The following NMBR variants were observed in gnomAD, a reference collection of about 807,000 sequenced individuals.
NMBR encodes neuromedin B receptor.
Under a neutral mutation model 20.5 loss-of-function variants are expected in NMBR, and 16 were observed. The observed-to-expected ratio is 0.78, with a 90% CI of 0.53 to 1.19. The LOEUF (loss-of-function observed/expected upper bound fraction) is 1.19. NMBR is among the 50% of genes most tolerant of loss of function. The pLI is 0.00. For synonymous variants in NMBR, 212 were observed against 196.6 expected (o/e 1.08, Z -0.65); for missense variants, 582 against 499.1 (o/e 1.17, Z -1.58).
At chr6:142,122,782 A>T (rs758415625) in intron 1 of NMBR, among the ~76,000 whole-genome samples, 1 of 151,952 alleles carries the variant, frequency 6.6e-6, no homozygotes, top group Admixed American at 6.6e-5. Context: ...ATCTGTTTAC[A>T]GTATAGTTTA....
chr6:142,123,281 T>C (rs149822617), intron 1 of NMBR, among the ~76,000 whole-genome samples: 199 of 152,014 alleles, frequency 1.3e-3, no homozygotes, highest in Non-Finnish European at 2.3e-3. Context: ...GGCCTGAAGA[T>C]GTGACTGAAT....
intron 1 of NMBR, among the ~76,000 whole-genome samples, chr6:142,116,014 A>T (rs1330560357): frequency 6.6e-6 from 1 of 151,904 alleles, no homozygotes; most frequent in African/African-American, 2.4e-5. Context: ...AATTAGTCTC[A>T]TGAGAACTGA....
intron 1 of NMBR, among the ~76,000 whole-genome samples, chr6:142,099,813 G>C (rs1777527339): frequency 6.6e-6 from 1 of 152,050 alleles, no homozygotes; most frequent in Admixed American, 6.6e-5. Context: ...GTATCACGTA[G>C]AACTCTTACA....
chr6:142,137,011 C>A (rs538439532), intron 1 of NMBR, among the ~76,000 whole-genome samples: 29 of 151,982 alleles, frequency 1.9e-4, no homozygotes, highest in African/African-American at 6.3e-4. Flanking sequence ...ATTTTAAAGT[C>A]GTTTTTTCCA....
chr6:142,090,029 A>G (rs1777292422), intron 1 of NMBR, among the ~76,000 whole-genome samples: 1 of 152,150 alleles, frequency 6.6e-6, no homozygotes, highest in Admixed American at 6.5e-5. Flanking sequence ...AAGGCAGAGT[A>G]TATGTATGCT....
chr6:142,090,803 A>T (rs1777307570), intron 1 of NMBR, among the ~76,000 whole-genome samples: 1 of 151,794 alleles, frequency 6.6e-6, no homozygotes, highest in Non-Finnish European at 1.5e-5. Context: ...TCAAACTGCA[A>T]CTATGCCATT....
intron 1 of NMBR, among the ~76,000 whole-genome samples, chr6:142,101,502 A>G (rs1463272997): frequency 6.6e-6 from 1 of 152,124 alleles, no homozygotes; most frequent in Non-Finnish European, 1.5e-5. Flanking sequence ...AGGACTTCAG[A>G]TTATTTTCTT....
At chr6:142,094,429 T>C (rs1204886543) in intron 1 of NMBR, among the ~76,000 whole-genome samples, 2 of 152,204 alleles carry the variant, frequency 1.3e-5, no homozygotes, top group South Asian at 4.1e-4. Context: ...ATTTCTTGTT[T>C]TTGTCAGGTT....
At chr6:142,076,750 C>G (rs904800168) in intron 3 of NMBR, among the ~76,000 whole-genome samples, 1 of 152,114 alleles carries the variant, frequency 6.6e-6, no homozygotes, top group Non-Finnish European at 1.5e-5. Context: ...AAACAATTTC[C>G]TAACATCAGT....
chr6:142,078,577 T>C lies in NMBR; in HGVS notation c.749A>G (p.Tyr250Cys). ...TACCTGTTTTTTGGTATGTTCATTG[T>C]ATTCTCCAGGAAGATTGTGTGCGCT... is the stretch of plus-strand genomic sequence containing the variant. ...IKSAHNLPGE[Y>C]NEHTKKQMET... The change falls in exon 3 of 4, where the codon TAC becomes TGC. Residue 250 changes from tyrosine to cysteine, a missense_variant. Transcript: ENST00000258042. The C allele has an allele frequency of 1.2e-6, 2 of 1,600,770 alleles. No individual in the cohort carries two copies. The highest frequency in any genetic ancestry group is 1.7e-6 in the Non-Finnish European group (2 of 1,173,170).
chr6:142,122,292 A>G (rs1458906415), intron 1 of NMBR, among the ~76,000 whole-genome samples: 2 of 152,012 alleles, frequency 1.3e-5, no homozygotes, highest in African/African-American at 4.8e-5. Context: ...AGAGAGCTAA[A>G]GAAGCTGCAA....
At chr6:142,145,020 T>TGA (rs71840613) in intron 1 of NMBR, among the ~76,000 whole-genome samples, 9 of 97,616 alleles carry the variant, frequency 9.2e-5, no homozygotes, top group South Asian at 4.1e-4. Context: ...AGAACCTGTC[T>TGA]AAAAAAAAAA....
intron 1 of NMBR, among the ~76,000 whole-genome samples, chr6:142,093,450 G>C (rs1206819523): frequency 6.6e-6 from 1 of 151,224 alleles, no homozygotes; most frequent in Non-Finnish European, 1.5e-5. Flanking sequence ...ATGGTTTCCA[G>C]CTTCATCCAT....
At chr6:142,091,121 G>A (rs1490299193) in intron 1 of NMBR, among the ~76,000 whole-genome samples, 1 of 152,064 alleles carries the variant, frequency 6.6e-6, no homozygotes, top group East Asian at 1.9e-4. Context: ...ATAATAATGT[G>A]TTATTTAGAT....
intron 2 of NMBR, among the ~76,000 whole-genome samples, chr6:142,088,000 A>G (rs140628825): frequency 4.4e-4 from 67 of 152,252 alleles, no homozygotes; most frequent in African/African-American, 1.5e-3. Flanking sequence ...TTTAAATGCA[A>G]TTTTAATTGT....
chr6:142,093,043 C>T (rs1044596225), intron 1 of NMBR, among the ~76,000 whole-genome samples: 1 of 151,942 alleles, frequency 6.6e-6, no homozygotes, highest in African/African-American at 2.4e-5. Flanking sequence ...TAACCATAGA[C>T]CAAAGGCTTC....
intron 1 of NMBR, among the ~76,000 whole-genome samples, chr6:142,136,153 A>G (rs2114611402): frequency 6.6e-6 from 1 of 152,280 alleles, no homozygotes; most frequent in South Asian, 2.1e-4. Flanking sequence ...CCTCTCCAGC[A>G]TCTGTTGTTT....
At chr6:142,090,742 T>C (rs1461870187) in intron 1 of NMBR, among the ~76,000 whole-genome samples, 1 of 151,782 alleles carries the variant, frequency 6.6e-6, no homozygotes, top group Non-Finnish European at 1.5e-5. Flanking sequence ...CCAATATTAC[T>C]ATACAGAATA....
Position 142,076,032 on chromosome 6 carries a change from G to A in NMBR, c.789C>T (p.Arg263=), listed in dbSNP as rs1776939076. ...CAAAGACAAGCACAATTTTAGCCAG[G>A]CGTTTCCGTGTTTCCATCTGCAAAT... ...HTKKQMETRK[R]LAKIVLVFVG... is the part of the protein sequence containing the mutation. The change falls in exon 4 of 4, where the codon CGC becomes CGT. Residue 263 remains arginine, a synonymous_variant. Transcript: ENST00000258042. The A allele has an allele frequency of 6.3e-7, 1 of 1,581,326 alleles. No homozygotes were observed. The highest frequency in any genetic ancestry group is 8.6e-7 in the Non-Finnish European group (1 of 1,166,236).
Sources: gnomAD v4.1 joint callset for allele counts (sites outside exome capture counted in the v4.1 genomes callset) on GRCh38, gnomAD v4.1.1 for gene constraint, MANE v1.5 for transcripts, NCBI Gene and HGNC (gene_info 2026-07-23, HGNC 2026-07-21) for gene names.